Variants in MYH4 observed in about 807,000 individuals in gnomAD.
MYH4 encodes the protein myosin heavy chain 4, also known as myosin-4.
A neutral mutation model predicts 229.9 loss-of-function variants in MYH4; 200 were observed. The ratio of observed to expected loss-of-function variants is 0.87; its 90% CI spans 0.78 to 0.98. The LOEUF is 0.98. Among genes scored for constraint, MYH4 ranks in the 50% least tolerant of loss-of-function variants. The pLI is 0.00. For synonymous variants in MYH4, 761 were observed against 834.6 expected (o/e 0.91, Z 1.52); for missense variants, 2,148 against 2,332.6 (o/e 0.92, Z 1.63).
chr17:10,445,037 T>G lies in MYH4; in HGVS notation c.5405A>C (p.Asp1802Ala), dbSNP rs2277649. Residue 1802 changes from aspartate to alanine, a missense_variant, in exon 37 of 40, where the codon GAT becomes GCT. By Grantham distance (126) the Asp-to-Ala change is moderately radical. Coordinates refer to ENST00000255381, the MANE Select transcript of MYH4 (RefSeq NM_017533.2). Reference sequence around the variant, plus strand: ...CTTCAGCGCCAGCTGCTCAGCCTCATCCAGACGGAGCTGCAGATCCTTCAC... The same window carrying G: ...CTTCAGCGCCAGCTGCTCAGCCTCAGCCAGACGGAGCTGCAGATCCTTCAC... ...QTVKDLQLRL[D>A]EAEQLALKGG... The G allele has an allele frequency of 6.2e-7, 1 of 1,613,808 alleles. No individual in the cohort carries two copies. The highest frequency in any genetic ancestry group is 2.2e-5 in the East Asian group (1 of 44,880).
rs1239691915 is a variant in MYH4 at position 10,443,346 on chromosome 17, T to C, written c.*29A>G. On this transcript the variant is annotated 3_prime_UTR_variant, in exon 40 of 40. Coordinates refer to ENST00000255381, the MANE Select transcript of MYH4 (RefSeq NM_017533.2). The surrounding 1 kb of genome is among the most constrained non-coding windows in gnomAD (Gnocchi z 4.6). ...AGAACTTCACATTTCGTGCATTTCT[T>C]TGGTCACATTTTCTTTCATTAGAAT... 6.2e-7 allele frequency: 1 copy of C among 1,610,428 alleles called. No individual in the cohort carries two copies. The highest frequency in any genetic ancestry group is 8.5e-7 in the Non-Finnish European group (1 of 1,178,064).
At chr17:10,444,317 C>G (rs2072487042) in intron 39 of MYH4, among the ~76,000 whole-genome samples, 1 of 152,004 alleles carries the variant, frequency 6.6e-6, no homozygotes, top group Non-Finnish European at 1.5e-5. Flanking sequence ...CATATGAGTG[C>G]TGGGGGTTGT....
rs541106229 is a variant in MYH4 at position 10,452,725 on chromosome 17, C to T, written c.3257+62G>A. The T allele has an allele frequency of 2.0e-5, 30 of 1,502,440 alleles. 1 individual carries two copies. The Middle Eastern group carries it at 5.4e-4, about 27-fold the overall frequency. 93.1% of individuals were successfully genotyped at this position (1,502,440 alleles called of 1,614,324 possible). ...TGTAACATTTTGGAGATCTTTTTAGCGTATGTTTCATTTGCATTGACATAC... is the reference window on the plus strand; with the variant it reads ...TGTAACATTTTGGAGATCTTTTTAGTGTATGTTTCATTTGCATTGACATAC... On this transcript the variant is annotated intron_variant, in intron 25 of 39. Transcript: ENST00000255381.
rs750381660 is a variant in MYH4, at chr17:10,451,452, C to T, written c.3739G>A (p.Ala1247Thr). Residue 1247 changes from alanine (A) to threonine (T), a missense_variant and splice_region_variant, in exon 28 of 40, where the codon GCA becomes ACA. Ala to Thr is a moderately conservative substitution (Grantham distance 58, BLOSUM62 0). Transcript: ENST00000255381. ...SNMETVSKAK[A>T]NFEKMCRTLE... ...GTGCGGCACATTTTCTCAAAGTTTG[C>T]CTGGGGTGAGAGGTAGAAAACAGGA... 1 of 1,612,546 alleles carries T rather than the reference C, an allele frequency of 6.2e-7. No homozygotes were observed.
chr17:10,455,091 A>C lies in MYH4; in HGVS notation c.2299-14T>G. The C allele has an allele frequency of 6.2e-7, 1 of 1,614,150 alleles. No homozygotes were observed. The highest frequency in any genetic ancestry group is 2.2e-5 in the East Asian group (1 of 44,884). On this transcript the variant is annotated splice_polypyrimidine_tract_variant and intron_variant, in intron 20 of 39. Transcript: ENST00000255381. ...TTTGAAGAAAACCTTATGAAAGAAC[A>C]AGTTAAATATGTTATTTCCACTTAC...
At chr17:10,444,146 T>C (rs964387291) in intron 39 of MYH4, among the ~76,000 whole-genome samples, 1 of 152,098 alleles carries the variant, frequency 6.6e-6, no homozygotes, top group African/African-American at 2.4e-5. Context: ...CTTTAAAAAA[T>C]AGGTGCAGTA....
intron 3 of MYH4, 46 bp downstream of exon 3, chr17:10,466,495 AC>A: frequency 6.2e-7 from 1 of 1,613,268 alleles, no homozygotes; most frequent in Non-Finnish European, 8.5e-7. Context: ...ACCTAAATTA[AC>A]CCAAAATGAG....
At chr17:10,466,138 G>C (rs1230412371) in intron 4 of MYH4, 135 bp downstream of exon 4, 1 of 1,102,656 alleles carries the variant, frequency 9.1e-7, no homozygotes, top group African/African-American at 1.6e-5. Context: ...ACATATCAGA[G>C]TTTACAACAT....
In MYH4 at chr17:10,451,388, T is replaced by C. The variant is rs2072571717; in HGVS notation, c.3803A>G (p.Glu1268Gly). 1.9e-6 allele frequency: 3 copies of C among 1,614,010 alleles called. No homozygotes were observed. Among genetic ancestry groups the C allele is most frequent in the Non-Finnish European group, 2.5e-6 (3 of 1,180,006 alleles). Residue 1268 changes from glutamate (E) to glycine (G), a missense_variant, in exon 28 of 40, where the codon GAA becomes GGA. Transcript: ENST00000255381. The part of the protein sequence containing the change: ...DQLSEIKTKE[E>G]EQQRLINELS... ...CTCATTTATTAAGCGTTGTTGCTCT[T>C]CTTCCTTTGTTTTTATTTCACTAAG...
At chr17:10,447,644 T>A (rs2072526459) in intron 34 of MYH4, among the ~76,000 whole-genome samples, 174 bp downstream of exon 34, 1 of 152,222 alleles carries the variant, frequency 6.6e-6, no homozygotes, top group Admixed American at 6.5e-5. Flanking sequence ...AACTCTGTCC[T>A]GGGCCTTCCA....
At chr17:10,464,648 C>T in intron 6 of MYH4, 33 bp downstream of exon 6, 2 of 1,613,426 alleles carry the variant, frequency 1.2e-6, no homozygotes. Context: ...CTACAATGAT[C>T]AAAACAGAAA....
rs1318061332 is a variant in MYH4, at chr17:10,460,997, T to C, written c.1066A>G (p.Thr356Ala). Residue 356 changes from threonine (T) to alanine (A), a missense_variant, in exon 12 of 40, where the codon ACT becomes GCT. Transcript: ENST00000255381. Reference protein sequence around the residue: ...ADEKVAIYKLTGAVMHYGNMK... With the variant: ...ADEKVAIYKLAGAVMHYGNMK... ...TTCCCATAATGCATCACGGCTCCAG[T>C]GAGCTTGTAAATGGCCACCTTTTCA... 3.1e-6 allele frequency: 5 copies of C among 1,613,992 alleles called. No homozygotes were observed. The highest frequency in any genetic ancestry group is 2.2e-5 in the East Asian group (1 of 44,874).
rs1296643224 is a variant in MYH4, at chr17:10,463,137, T to C, written c.857A>G (p.Tyr286Cys). The C allele has an allele frequency of 6.2e-7, 1 of 1,613,766 alleles. No homozygotes were observed. The highest frequency in any genetic ancestry group is 1.7e-5 in the Admixed American group (1 of 60,032). Residue 286 changes from tyrosine (Y) to cysteine (C), a missense_variant, in exon 10 of 40, where the codon TAC becomes TGC. By Grantham distance (194) the Tyr-to-Cys change is radical. Coordinates refer to ENST00000255381, the MANE Select transcript of MYH4 (RefSeq NM_017533.2). Reference protein sequence around the residue: ...VTFQLKAERSYHIFYQILSNK... With the variant: ...VTFQLKAERSCHIFYQILSNK... ...GGACAGGATTTGATAAAATATGTGGTAGCTTCTTTCAGCCTTTAGCTGAAA... is the reference window on the plus strand; with the variant it reads ...GGACAGGATTTGATAAAATATGTGGCAGCTTCTTTCAGCCTTTAGCTGAAA...
At position 10,448,720 on chromosome 17, in the gene MYH4, C is replaced by T. The variant is rs780917874; in HGVS notation, c.4429G>A (p.Glu1477Lys). 5.6e-6 allele frequency: 9 copies of T among 1,614,026 alleles called. No homozygotes were observed. The Admixed American group carries it at 1.3e-4, about 24-fold the overall frequency. ...AGCTCAGTGCTGAGAGAACGCGACT[C>T]CTTCTGGGAGGCCTCAAGTTCAGCC... ...TQAELEASQK[E>K]SRSLSTELFK... Residue 1477 changes from glutamate to lysine, a missense_variant, in exon 32 of 40, where the codon GAG (glutamate) becomes AAG (lysine). Physicochemically the swap from Glu to Lys is moderately conservative, Grantham distance 56. Transcript: ENST00000255381.
chr17:10,455,573 T>C (rs2072629734), intron 19 of MYH4, 41 bp downstream of exon 19: 3 of 1,606,908 alleles, frequency 1.9e-6, no homozygotes, highest in Non-Finnish European at 2.6e-6. Context: ...TGATTTTGTG[T>C]AGACTAAGAC....
rs2072492328 is a variant in MYH4 at position 10,444,812 on chromosome 17, T to G, written c.5554A>C (p.Lys1852Gln). Residue 1852 changes from lysine (K) to glutamine (Q), a missense_variant, in exon 38 of 40, where the codon AAG becomes CAG. Transcript: ENST00000255381. ...CTGGTCACCTGGTAAGTGAGTTCCT[T>G]CACTCTTCTCTCATGTTTGCGAAGA... Reference protein sequence around the residue: ...KGLRKHERRVKELTYQTEEDR... With the variant: ...KGLRKHERRVQELTYQTEEDR... 1.9e-6 allele frequency: 3 copies of G among 1,613,942 alleles called. No individual in the cohort carries two copies. The Admixed American group carries it at 5.0e-5, about 27-fold the overall frequency.
intron 24 of MYH4, 109 bp downstream of exon 24, chr17:10,453,043 G>T (rs2072595798): frequency 6.3e-7 from 1 of 1,587,860 alleles, no homozygotes; most frequent in Non-Finnish European, 8.6e-7. Context: ...AATAGCACAA[G>T]AACTTTATTC....
Position 10,453,831 on chromosome 17 carries a change from T to C in MYH4, c.2746A>G (p.Lys916Glu). ...EERCDQLIKT[K>E]IQLEAKIKEV... ...TTGATTTTGGCCTCAAGTTGGATTT[T>C]GGTTTTAATCAACTGATCACATCTT... The change falls in exon 23 of 40, where the codon AAA becomes GAA. Residue 916 changes from lysine (K) to glutamate (E), a missense_variant. Coordinates refer to ENST00000255381, the MANE Select transcript of MYH4 (RefSeq NM_017533.2). 6.2e-7 allele frequency: 1 copy of C among 1,614,188 alleles called. No homozygotes were observed. Among genetic ancestry groups the C allele is most frequent in the Non-Finnish European group, 8.5e-7 (1 of 1,180,024 alleles).
chr17:10,455,477 C>T (rs2072628680), intron 19 of MYH4, 137 bp downstream of exon 19: 1 of 1,347,402 alleles, frequency 7.4e-7, no homozygotes, highest in South Asian at 1.4e-5. Context: ...ATAATATAAA[C>T]CTAAGCTTCT....
Sources: allele counts gnomAD v4.1 joint callset (sites outside exome capture counted in the v4.1 genomes callset), GRCh38; gene constraint gnomAD v4.1.1; non-coding constraint Gnocchi (gnomAD v3.1); transcripts MANE v1.5; gene names NCBI Gene and HGNC (gene_info 2026-07-23, HGNC 2026-07-21).